SCHIP1: variants seen among roughly 807,000 people sequenced by gnomAD.
The protein encoded by SCHIP1 is schwannomin-interacting protein 1.
SCHIP1 carries 8 observed loss-of-function variants against 29.7 expected under a neutral mutation model. The ratio of observed to expected loss-of-function variants is 0.27; its 90% CI spans 0.16 to 0.49. The LOEUF is 0.49. Among genes scored for constraint, SCHIP1 ranks in the 20% least tolerant of loss-of-function variants. The probability of loss-of-function intolerance (pLI) is 0.99; values close to 1 mark genes in which losing one functional copy is unlikely to be tolerated. For missense variants in SCHIP1, 193 were observed against 294.6 expected (o/e 0.66, Z 2.52); for synonymous variants, 76 against 94.9 (o/e 0.80, Z 1.16).
the SCHIP1 span, among the ~76,000 whole-genome samples, chr3:159,356,794 A>T: frequency 6.6e-6 from 1 of 152,218 alleles, no homozygotes; most frequent in Non-Finnish European, 1.5e-5. Flanking sequence ...GGAGCAATTC[A>T]CATGGAGGCA....
the SCHIP1 span, among the ~76,000 whole-genome samples, chr3:159,372,355 T>C: frequency 2.0e-5 from 3 of 152,130 alleles, no homozygotes; most frequent in Non-Finnish European, 2.9e-5. Flanking sequence ...TGTTTGGCAC[T>C]GGCGTTAATA....
the SCHIP1 span, among the ~76,000 whole-genome samples, chr3:159,276,760 G>A: frequency 9.5e-3 from 1,453 of 152,252 alleles, 14 homozygotes; most frequent in African/African-American, 0.014. Flanking sequence ...AAATAGAAAT[G>A]TCTGGATATG....
the SCHIP1 span, among the ~76,000 whole-genome samples, chr3:159,767,700 G>T: frequency 6.6e-6 from 1 of 152,032 alleles, no homozygotes; most frequent in African/African-American, 2.4e-5. Context: ...GCAAGTGTCT[G>T]GTTCCTTCTC....
chr3:159,492,241 G>T, the SCHIP1 span, among the ~76,000 whole-genome samples: 1 of 152,214 alleles, frequency 6.6e-6, no homozygotes, highest in Admixed American at 6.5e-5. Flanking sequence ...ACGGAACAAA[G>T]CTGGACAGAG....
the SCHIP1 span, among the ~76,000 whole-genome samples, chr3:159,822,301 A>G: frequency 6.6e-6 from 1 of 152,144 alleles, no homozygotes; most frequent in Non-Finnish European, 1.5e-5. Flanking sequence ...TCTAAGACAC[A>G]GAGAGAGAGG....
the SCHIP1 span, among the ~76,000 whole-genome samples, chr3:159,557,794 A>G: frequency 1.3e-5 from 2 of 152,262 alleles, no homozygotes; most frequent in Admixed American, 6.5e-5. Flanking sequence ...AAGAAGAAAA[A>G]TAAATCATAG....
At chr3:159,755,756 T>C in the SCHIP1 span, among the ~76,000 whole-genome samples, 5 of 152,182 alleles carry the variant, frequency 3.3e-5, no homozygotes, top group Non-Finnish European at 7.4e-5. Context: ...CTAAATACAA[T>C]GGGGGTACAG....
the SCHIP1 span, among the ~76,000 whole-genome samples, chr3:159,622,991 A>G: frequency 6.6e-6 from 1 of 152,236 alleles, no homozygotes; most frequent in Non-Finnish European, 1.5e-5. Flanking sequence ...ACAAATATAT[A>G]TATTCAAAAA....
chr3:159,445,225 C>T, the SCHIP1 span, among the ~76,000 whole-genome samples: 3 of 152,120 alleles, frequency 2.0e-5, no homozygotes, highest in Non-Finnish European at 1.5e-5. Flanking sequence ...AGGATATGAA[C>T]AGACACTTCT....
the SCHIP1 span, among the ~76,000 whole-genome samples, chr3:159,331,820 C>T: frequency 6.6e-6 from 1 of 152,288 alleles, no homozygotes; most frequent in South Asian, 2.1e-4. Context: ...AACTGAAAAT[C>T]TGACCATGTT....
the SCHIP1 span, among the ~76,000 whole-genome samples, chr3:159,728,996 A>G: frequency 6.6e-6 from 1 of 152,124 alleles, no homozygotes; most frequent in Admixed American, 6.6e-5. Context: ...CTAAAAGTAT[A>G]AAATCATCTG....
the SCHIP1 span, among the ~76,000 whole-genome samples, chr3:159,497,988 T>C: frequency 3.3e-5 from 5 of 152,210 alleles, no homozygotes; most frequent in Non-Finnish European, 4.4e-5. Context: ...CAGAAACTTA[T>C]TTGAATTTTT....
At chr3:159,372,501 G>A in the SCHIP1 span, among the ~76,000 whole-genome samples, 1 of 151,972 alleles carries the variant, frequency 6.6e-6, no homozygotes, top group Non-Finnish European at 1.5e-5. Flanking sequence ...TATTTTTTAA[G>A]TGAGAAATTA....
the SCHIP1 span, among the ~76,000 whole-genome samples, chr3:159,351,205 A>G: frequency 3.3e-5 from 5 of 152,112 alleles, no homozygotes; most frequent in Non-Finnish European, 7.4e-5. Context: ...TGTGATGATT[A>G]TGCTTTCAAT....
the SCHIP1 span, among the ~76,000 whole-genome samples, chr3:159,712,170 C>T: frequency 1.3e-5 from 2 of 152,190 alleles, no homozygotes; most frequent in South Asian, 2.1e-4. Context: ...TTTTAAATCT[C>T]ACTTGAATGC....
chr3:159,866,348 T>TA (rs146356178), intron 2 of SCHIP1, 67 bp downstream of exon 3: 96,367 of 1,419,412 alleles, frequency 0.068, 3,860 homozygotes, highest in African/African-American at 0.17. Context: ...ACTATTCTAA[T>TA]AAAAAAAAGC....
the SCHIP1 span, among the ~76,000 whole-genome samples, chr3:159,679,534 T>C: frequency 6.6e-6 from 1 of 152,150 alleles, no homozygotes; most frequent in East Asian, 1.9e-4. Context: ...CAAAGGGAGA[T>C]TTGGAGGATC....
the SCHIP1 span, among the ~76,000 whole-genome samples, chr3:159,386,140 G>A: frequency 1.3e-5 from 2 of 152,256 alleles, 1 homozygote; most frequent in East Asian, 3.9e-4. Context: ...ATTGTGAGCA[G>A]TGCCACTACA....
At chr3:159,282,770 A>C in the SCHIP1 span, 1 of 151,682 alleles carries the variant, frequency 6.6e-6, no homozygotes. Flanking sequence ...ATCCATTAGA[A>C]TCTGTTTCTG....
Sources: gnomAD v4.1 joint callset for allele counts (sites outside exome capture counted in the v4.1 genomes callset) on GRCh38, gnomAD v4.1.1 for gene constraint, MANE v1.5 for transcripts, NCBI Gene and HGNC (gene_info 2026-07-23, HGNC 2026-07-21) for gene names.